The following TPM4 variants were observed in gnomAD, a reference collection of about 807,000 sequenced individuals.
TPM4 encodes tropomyosin alpha-4 chain.
Under a neutral mutation model 35.8 loss-of-function variants are expected in TPM4, and 17 were observed. The ratio of observed to expected loss-of-function variants is 0.47; its 90% CI spans 0.32 to 0.71. The LOEUF is 0.71. TPM4 is among the 30% of genes least tolerant of loss of function. The probability of loss-of-function intolerance (pLI) is 0.03; values close to 1 mark genes in which losing one functional copy is unlikely to be tolerated. For synonymous variants in TPM4, 120 were observed against 122.9 expected, an observed-to-expected ratio of 0.98 and a Z score of 0.15; for missense variants, 240 against 320.9, an observed-to-expected ratio of 0.75 and a Z score of 1.93.
chr19:16,083,181 C>A (rs1387142429), intron 2 of TPM4, among the ~76,000 whole-genome samples: 1 of 152,020 alleles, frequency 6.6e-6, no homozygotes, highest in Admixed American at 6.6e-5. Context: ...CCGTGGCTCA[C>A]GCCTATAATC....
rs2090315208 is a variant in TPM4 at position 16,067,988 on chromosome 19, C to CG, written c.114+255dup. On this transcript the variant is annotated intron_variant, in intron 2 of 2. Transcript: ENST00000589897. This position sits in a 1 kb window ranked among gnomAD's most constrained non-coding sequence, Gnocchi z 4.1. The stretch of plus-strand genomic sequence containing the variant: ...GTGAGTTTGACAGAGAGAGAGTTGG[C>CG]GGGGGAGGGAGAGTGAGAACGTTCG... 1 of 480,168 alleles carries CG rather than the reference C, an allele frequency of 2.1e-6. No homozygotes were observed. Among genetic ancestry groups the CG allele is most frequent in the East Asian group, 3.8e-5 (1 of 26,340 alleles). The allele number at this position is 480,168 out of a possible 1,614,324, so 29.7% of individuals were successfully genotyped here.
upstream of TPM4, chr19:16,075,540 T>A (rs2090394871): frequency 6.5e-6 from 1 of 154,386 alleles, no homozygotes; most frequent in Non-Finnish European, 1.4e-5. Context: ...ACCACTGCCT[T>A]GGGCCATAGG....
intron 3 of TPM4, among the ~76,000 whole-genome samples, chr19:16,087,566 G>A (rs2090571388): frequency 6.6e-6 from 1 of 151,674 alleles, no homozygotes; most frequent in Non-Finnish European, 1.5e-5. Flanking sequence ...GATGGAGCGA[G>A]ACTCTGTCTC....
In TPM4 at chr19:16,097,414, A is replaced by G. The variant is rs151161249; in HGVS notation, c.664+3661A>G. Among the ~76,000 whole-genome samples, 1,073 of 152,060 alleles carry G rather than the reference A, an allele frequency of 7.1e-3. 15 individuals are homozygous for G. The highest frequency in any genetic ancestry group is 0.024 in the African/African-American group (1,005 of 41,480). Reference sequence around the variant, plus strand: ...CTCAGCCTCCCAAGTAGCTGGGACTACAGGCATGCGCCACCATGCCTGGCT... The same window carrying G: ...CTCAGCCTCCCAAGTAGCTGGGACTGCAGGCATGCGCCACCATGCCTGGCT... On this transcript the variant is annotated intron_variant, in intron 7 of 7. Transcript: ENST00000643579.
At chr19:16,097,257 G>C (rs552439967) in intron 7 of TPM4, among the ~76,000 whole-genome samples, 1 of 150,790 alleles carries the variant, frequency 6.6e-6, no homozygotes, top group Non-Finnish European at 1.5e-5. Flanking sequence ...CCCGGCCCAG[G>C]CTATGCTTTG....
In TPM4 at chr19:16,070,362, T is replaced by C. The variant is rs1029349387; in HGVS notation, c.114+2624T>C. Reference sequence around the variant, plus strand: ...AAGGGAGTCCCCTCCCACAGAGCCATGTTCCCCACAATGTTTATCCACACC... The same window carrying C: ...AAGGGAGTCCCCTCCCACAGAGCCACGTTCCCCACAATGTTTATCCACACC... On this transcript the variant is annotated intron_variant, in intron 2 of 2. Transcript: ENST00000589897. This position sits in a 1 kb window ranked among gnomAD's most constrained non-coding sequence, Gnocchi z 7.4. 1.3e-5 allele frequency among the ~76,000 whole-genome samples: 2 copies of C among 152,076 alleles called. No homozygotes were observed. The highest frequency in any genetic ancestry group is 2.9e-5 in the Non-Finnish European group (2 of 67,986).
At chr19:16,092,574 G>A (rs1268914194) in intron 5 of TPM4, among the ~76,000 whole-genome samples, 3 of 146,884 alleles carry the variant, frequency 2.0e-5, no homozygotes, top group East Asian at 2.0e-4. Flanking sequence ...TCACTCCATC[G>A]CCCCAGGCTG....
chr19:16,069,404 AGT>A (rs200458221), intron 2 of TPM4, among the ~76,000 whole-genome samples: 12 of 10,886 alleles, frequency 1.1e-3, no homozygotes, highest in East Asian at 7.0e-3. Flanking sequence ...TGTGTGTATG[AGT>A]GTGTGTTTCT....
chr19:16,078,883 C>T (rs926672399), intron 1 of TPM4, among the ~76,000 whole-genome samples: 11 of 150,990 alleles, frequency 7.3e-5, no homozygotes, highest in Admixed American at 2.6e-4. Context: ...CAGGAGCCGG[C>T]GTGTGGTAGA....
intron 2 of TPM4, among the ~76,000 whole-genome samples, chr19:16,085,572 TAAAAG>T (rs1325306623): frequency 6.6e-6 from 1 of 151,458 alleles, no homozygotes; most frequent in African/African-American, 2.4e-5. Flanking sequence ...TCTCTCAAAA[TAAAAG>T]AAAAAGAAAG....
chr19:16,096,934 C>CTTTTT (rs2090705328), intron 7 of TPM4, among the ~76,000 whole-genome samples: 1 of 59,804 alleles, frequency 1.7e-5, no homozygotes, highest in Non-Finnish European at 3.5e-5. Flanking sequence ...AACAAGGTCA[C>CTTTTT]TCTTTTTTTT....
chr19:16,087,491 C>A (rs2090570306), intron 3 of TPM4, among the ~76,000 whole-genome samples: 1 of 152,140 alleles, frequency 6.6e-6, no homozygotes. Context: ...ACAGGAGATT[C>A]ACTTGAACCC....
intron 3 of TPM4, 111 bp downstream of exon 3, chr19:16,086,651 T>G: frequency 1.2e-6 from 1 of 820,424 alleles, no homozygotes; most frequent in Non-Finnish European, 2.0e-6. Flanking sequence ...AGGTCAGCTG[T>G]CCTCCTGCGT....
chr19:16,087,834 C>T lies in TPM4; in HGVS notation c.385-193C>T, dbSNP rs535911630. Among the ~76,000 whole-genome samples the T allele has an allele frequency of 8.3e-4, 126 of 152,226 alleles. 1 individual carries two copies. Among genetic ancestry groups the T allele is most frequent in the African/African-American group, 2.9e-3 (119 of 41,548 alleles). ...AGGTGGAGGTTGCAGTGAGCCGAGA[C>T]TGTGCCACTGCACTCCAGCCTGGGC... On this transcript the variant is annotated intron_variant, in intron 3 of 7. Transcript: ENST00000643579.
upstream of TPM4, among the ~76,000 whole-genome samples, chr19:16,073,966 A>C (rs1436531066): frequency 2.1e-4 from 29 of 140,916 alleles, no homozygotes; most frequent in African/African-American, 7.2e-4. Flanking sequence ...AAAAACGCAA[A>C]AAAAAAAAAT....
intron 7 of TPM4, among the ~76,000 whole-genome samples, chr19:16,098,703 G>A (rs1568313095): frequency 6.6e-6 from 1 of 152,258 alleles, no homozygotes; most frequent in Admixed American, 6.5e-5. Context: ...CACTTTGGGA[G>A]GCCAAGGCAG....
At chr19:16,076,968 A>G in intron 1 of TPM4, 1 of 483,256 alleles carries the variant, frequency 2.1e-6, no homozygotes, top group Non-Finnish European at 3.0e-6. Flanking sequence ...GATGGGGCGG[A>G]GGGGGTGAGC....
intron 3 of TPM4, among the ~76,000 whole-genome samples, chr19:16,087,141 G>T (rs1290867183): frequency 6.6e-6 from 1 of 152,090 alleles, no homozygotes; most frequent in African/African-American, 2.4e-5. Flanking sequence ...AATTAGCTGG[G>T]TGTGGTGGCA....
Position 16,081,973 on chromosome 19 carries a change from A to C in TPM4, c.193A>C (p.Arg65=). ...CCAGCTCGTTGAGGAGGAGTTGGACAGGGCTCAGGAACGACTGGCCACGGC... is the reference window on the plus strand; with the variant it reads ...CCAGCTCGTTGAGGAGGAGTTGGACCGGGCTCAGGAACGACTGGCCACGGC... ...RIQLVEEELD[R]AQERLATALQ... The change falls in exon 2 of 8, where the codon AGG becomes CGG. Residue 65 remains arginine, a synonymous_variant. Coordinates refer to ENST00000643579, the MANE Select transcript of TPM4 (RefSeq NM_003290.3). The C allele has an allele frequency of 6.2e-7, 1 of 1,611,296 alleles. No individual in the cohort carries two copies. The highest frequency in any genetic ancestry group is 8.5e-7 in the Non-Finnish European group (1 of 1,177,676).
Sources: gnomAD v4.1 joint callset for allele counts (sites outside exome capture counted in the v4.1 genomes callset) on GRCh38, gnomAD v4.1.1 for gene constraint, Gnocchi (gnomAD v3.1) non-coding constraint, MANE v1.5 for transcripts, NCBI Gene and HGNC (gene_info 2026-07-23, HGNC 2026-07-21) for gene names.